The following OR7C1 variants were observed in gnomAD, a reference collection of about 807,000 sequenced individuals.
OR7C1 encodes olfactory receptor 7C1.
For missense variants in OR7C1, 324 were observed against 383.3 expected, an observed-to-expected ratio of 0.85 and a Z score of 1.29; for synonymous variants, 152 against 160.7, an observed-to-expected ratio of 0.95 and a Z score of 0.41.
At chr19:14,820,785 A>G (rs538771223) in intron 1 of OR7C1, among the ~76,000 whole-genome samples, 1 of 152,336 alleles carries the variant, frequency 6.6e-6, no homozygotes, top group South Asian at 2.1e-4. Context: ...AGGATTTTCT[A>G]AAGTATGGTC....
At chr19:14,799,311 C>T in exon 5 of OR7C1, 1 of 1,614,094 alleles carries the variant, frequency 6.2e-7, no homozygotes, top group Non-Finnish European at 8.5e-7. Flanking sequence ...GTGTACATCA[C>T]TGAGGCCACC....
intron 1 of OR7C1, among the ~76,000 whole-genome samples, chr19:14,813,549 C>T (rs921730509): frequency 1.3e-5 from 2 of 151,582 alleles, no homozygotes; most frequent in South Asian, 2.1e-4. Flanking sequence ...AGTGAGACTC[C>T]GTATCAAAAA....
At chr19:14,819,043 C>T (rs183373408) in intron 1 of OR7C1, among the ~76,000 whole-genome samples, 69 of 152,154 alleles carry the variant, frequency 4.5e-4, no homozygotes, top group African/African-American at 1.6e-3. Context: ...TATCTCCCCC[C>T]TCCCCCTGCC....
chr19:14,833,334 A>T (rs2044852709), intron 1 of OR7C1, among the ~76,000 whole-genome samples: 1 of 152,188 alleles, frequency 6.6e-6, no homozygotes, highest in Non-Finnish European at 1.5e-5. Flanking sequence ...CAAAAATTAG[A>T]TGGGTATGGT....
intron 1 of OR7C1, among the ~76,000 whole-genome samples, chr19:14,811,876 AC>A (rs1156502345): frequency 3.3e-5 from 5 of 151,990 alleles, no homozygotes; most frequent in African/African-American, 1.2e-4. Flanking sequence ...TCACTTGCTC[AC>A]CTGCTGCTCA....
chr19:14,817,900 T>C (rs2044722875), intron 1 of OR7C1, among the ~76,000 whole-genome samples: 1 of 151,954 alleles, frequency 6.6e-6, no homozygotes, highest in Non-Finnish European at 1.5e-5. Flanking sequence ...AAAAACTGAG[T>C]ATTAAGTGTA....
intron 1 of OR7C1, chr19:14,821,280 A>C (rs1370601212): frequency 6.6e-6 from 1 of 152,192 alleles, no homozygotes; most frequent in Non-Finnish European, 1.5e-5. Context: ...TGTGGTCCAT[A>C]AATATGGAAT....
In OR7C1 at chr19:14,830,646, G is replaced by T. The variant is rs144701275; in HGVS notation, c.-623+4428C>A. On this transcript the variant is annotated intron_variant, in intron 1 of 4. Transcript: ENST00000641666. ...TTTAACAATAGTATTTAATTATGTC[G>T]GTTTTAATGATTATTAAAGTTTTAG... 8.5e-4 allele frequency among the ~76,000 whole-genome samples: 129 copies of T among 152,154 alleles called. 2 individuals are homozygous for T. The highest frequency in any genetic ancestry group is 2.7e-3 in the African/African-American group (113 of 41,508).
intron 1 of OR7C1, among the ~76,000 whole-genome samples, chr19:14,824,006 A>G (rs187217417): frequency 3.9e-5 from 6 of 152,176 alleles, no homozygotes; most frequent in South Asian, 4.1e-4. Context: ...ATGTGCCCCA[A>G]TACAGTGTGC....
chr19:14,808,843 T>C (rs924931770), intron 2 of OR7C1, among the ~76,000 whole-genome samples: 1 of 152,042 alleles, frequency 6.6e-6, no homozygotes, highest in African/African-American at 2.4e-5. Context: ...TCGTTAGAAC[T>C]CATAGAGTCA....
intron 2 of OR7C1, among the ~76,000 whole-genome samples, chr19:14,801,465 AT>A (rs2044641436): frequency 6.6e-6 from 1 of 152,226 alleles, no homozygotes; most frequent in South Asian, 2.1e-4. Flanking sequence ...TTAAAAAAAT[AT>A]TTTGGTAAAA....
chr19:14,799,915 G>A, exon 5 of OR7C1: 2 of 1,614,124 alleles, frequency 1.2e-6, no homozygotes, highest in Non-Finnish European at 1.7e-6. Context: ...CAGTCGTGGA[G>A]GTAAAACAGA....
intron 4 of OR7C1, 28 bp downstream of exon 4, chr19:14,800,228 G>T: frequency 1.5e-6 from 2 of 1,370,308 alleles, no homozygotes; most frequent in Non-Finnish European, 2.0e-6. Context: ...TTAATTTTAA[G>T]TGAAGGAATC....
chr19:14,818,268 A>G (rs1268110751), intron 1 of OR7C1, among the ~76,000 whole-genome samples: 1 of 151,406 alleles, frequency 6.6e-6, no homozygotes, highest in Non-Finnish European at 1.5e-5. Flanking sequence ...AATTTTTTTG[A>G]ATTTTTTAGT....
At chr19:14,806,421 T>G (rs539971592) in intron 2 of OR7C1, among the ~76,000 whole-genome samples, 1 of 152,112 alleles carries the variant, frequency 6.6e-6, no homozygotes, top group Admixed American at 6.5e-5. Context: ...GTACAGGACA[T>G]GCAGATTTGT....
intron 1 of OR7C1, among the ~76,000 whole-genome samples, chr19:14,823,663 A>G (rs1166307907): frequency 6.6e-6 from 1 of 152,108 alleles, no homozygotes; most frequent in Non-Finnish European, 1.5e-5. Flanking sequence ...TCCACATTCT[A>G]TATTTATGTG....
At chr19:14,827,247 G>A in intron 1 of OR7C1, 1 of 1,496,388 alleles carries the variant, frequency 6.7e-7, no homozygotes, top group South Asian at 1.5e-5. Context: ...ATTGAAGAAT[G>A]ACAGTTACTA....
At chr19:14,812,604 C>G (rs891738149) in intron 1 of OR7C1, among the ~76,000 whole-genome samples, 14 of 151,594 alleles carry the variant, frequency 9.2e-5, no homozygotes, top group Non-Finnish European at 1.5e-4. Context: ...ATTTCTCACT[C>G]GGGGAGCATG....
intron 2 of OR7C1, among the ~76,000 whole-genome samples, chr19:14,807,946 A>T (rs2044673326): frequency 6.6e-6 from 1 of 151,604 alleles, no homozygotes; most frequent in African/African-American, 2.4e-5. Flanking sequence ...AAACATGAAA[A>T]ATTGCTCAAA....
Sources: gnomAD v4.1 joint callset for allele counts (sites outside exome capture counted in the v4.1 genomes callset) on GRCh38, gnomAD v4.1.1 for gene constraint, MANE v1.5 for transcripts, NCBI Gene and HGNC (gene_info 2026-07-23, HGNC 2026-07-21) for gene names.